Variants in TMEM132D observed in about 807,000 individuals in gnomAD.
TMEM132D encodes the protein mature OL transmembrane protein.
In TMEM132D, 21 loss-of-function variants were observed where a neutral mutation model predicts 62.3. The ratio of observed to expected loss-of-function variants is 0.34; its 90% CI spans 0.24 to 0.49. The LOEUF is 0.49. Among genes scored for constraint, TMEM132D ranks in the 20% least tolerant of loss-of-function variants. The probability of loss-of-function intolerance (pLI) is 0.99; values close to 1 mark genes in which losing one functional copy is unlikely to be tolerated. For synonymous variants in TMEM132D, 621 were observed against 575.6 expected (o/e 1.08, Z -1.13); for missense variants, 1,346 against 1,402.8 (o/e 0.96, Z 0.65).
At chr12:129,573,819 G>C (rs778197793) in intron 2 of TMEM132D, among the ~76,000 whole-genome samples, 1 of 149,768 alleles carries the variant, frequency 6.7e-6, no homozygotes, top group Non-Finnish European at 1.5e-5. Flanking sequence ...AGGATATTCC[G>C]TGTGAAAGAA....
intron 3 of TMEM132D, among the ~76,000 whole-genome samples, chr12:129,418,117 G>T (rs1385572550): frequency 6.6e-6 from 1 of 151,780 alleles, no homozygotes; most frequent in Non-Finnish European, 1.5e-5. Context: ...TAAATTAGTT[G>T]TTGAACTAAT....
At chr12:129,119,877 G>C (rs1464834083) in intron 5 of TMEM132D, among the ~76,000 whole-genome samples, 2 of 152,146 alleles carry the variant, frequency 1.3e-5, no homozygotes, top group Non-Finnish European at 2.9e-5. Flanking sequence ...AAACTGCAAA[G>C]GTATGAGGCA....
chr12:129,561,094 T>C (rs908633706), intron 2 of TMEM132D, among the ~76,000 whole-genome samples: 6 of 152,154 alleles, frequency 3.9e-5, no homozygotes, highest in African/African-American at 1.4e-4. Flanking sequence ...AAAGGTGCCA[T>C]GAGAAAGAAA....
chr12:129,648,114 C>T (rs1218251263), intron 2 of TMEM132D, among the ~76,000 whole-genome samples: 2 of 152,254 alleles, frequency 1.3e-5, no homozygotes, highest in Admixed American at 6.5e-5. Flanking sequence ...AGCCAGAGGC[C>T]ACAAGGCTCC....
At chr12:129,531,025 G>A in intron 3 of TMEM132D, 34 bp downstream of exon 3, 7 of 1,548,430 alleles carry the variant, frequency 4.5e-6, no homozygotes, top group Non-Finnish European at 6.1e-6. Flanking sequence ...ATTTGCAGCT[G>A]ATCTGAATAT....
At chr12:129,540,083 T>C (rs1876543968) in intron 2 of TMEM132D, among the ~76,000 whole-genome samples, 1 of 151,886 alleles carries the variant, frequency 6.6e-6, no homozygotes. Flanking sequence ...TTTTTTAAAT[T>C]GCCAGCACAG....
chr12:129,627,694 A>G (rs1013736022), intron 2 of TMEM132D, among the ~76,000 whole-genome samples: 11 of 152,230 alleles, frequency 7.2e-5, no homozygotes, highest in African/African-American at 2.7e-4. Flanking sequence ...AAATTTAAAA[A>G]TAATAATTTA....
intron 3 of TMEM132D, among the ~76,000 whole-genome samples, chr12:129,430,626 T>C (rs1188512267): frequency 2.0e-5 from 3 of 152,130 alleles, no homozygotes; most frequent in Non-Finnish European, 2.9e-5. Flanking sequence ...AACTAGTATG[T>C]AACATCCCTA....
intron 4 of TMEM132D, among the ~76,000 whole-genome samples, chr12:129,246,560 G>A (rs1201910078): frequency 2.0e-5 from 3 of 152,038 alleles, no homozygotes; most frequent in South Asian, 2.1e-4. Context: ...GTTTGAGACC[G>A]GCCTGGCCAA....
chr12:129,770,140 G>GT (rs375230592), intron 1 of TMEM132D, among the ~76,000 whole-genome samples: 1,551 of 104,286 alleles, frequency 0.015, 108 homozygotes, highest in East Asian at 0.091. Context: ...GGTTTTTTTG[G>GT]TTGTTTTTTT....
chr12:129,320,302 T>C (rs573482180), intron 4 of TMEM132D, among the ~76,000 whole-genome samples: 1 of 152,334 alleles, frequency 6.6e-6, no homozygotes, highest in Non-Finnish European at 1.5e-5. Context: ...CCATCATCTC[T>C]GAGGATACTA....
chr12:129,607,579 G>A (rs1430567918), intron 2 of TMEM132D, among the ~76,000 whole-genome samples: 3 of 152,144 alleles, frequency 2.0e-5, no homozygotes, highest in African/African-American at 7.2e-5. Flanking sequence ...TTACAGGCAG[G>A]AAATTCCAAG....
chr12:129,826,571 C>T (rs975726845), intron 1 of TMEM132D, among the ~76,000 whole-genome samples: 2 of 152,180 alleles, frequency 1.3e-5, no homozygotes, highest in African/African-American at 4.8e-5. Flanking sequence ...TTGAACTCAA[C>T]TTTGTACTCA....
At chr12:129,300,092 T>G (rs531671134) in intron 4 of TMEM132D, among the ~76,000 whole-genome samples, 19 of 152,200 alleles carry the variant, frequency 1.2e-4, no homozygotes, top group Admixed American at 3.9e-4. Context: ...AGGAGATTCT[T>G]GGAATGGTGG....
At chr12:129,530,230 A>G (rs904352870) in intron 3 of TMEM132D, among the ~76,000 whole-genome samples, 1 of 152,242 alleles carries the variant, frequency 6.6e-6, no homozygotes, top group African/African-American at 2.4e-5. Context: ...TAAATAATAA[A>G]AAATAAGGAT....
intron 5 of TMEM132D, among the ~76,000 whole-genome samples, chr12:129,141,856 A>T (rs1246827295): frequency 6.6e-6 from 1 of 151,888 alleles, no homozygotes; most frequent in Non-Finnish European, 1.5e-5. Context: ...TCGTACCCTA[A>T]ACCTCAGTAT....
At chr12:129,861,912 C>T (rs1873912878) in intron 1 of TMEM132D, among the ~76,000 whole-genome samples, 1 of 152,068 alleles carries the variant, frequency 6.6e-6, no homozygotes, top group Non-Finnish European at 1.5e-5. Context: ...GACCAGATGG[C>T]CCCACCCAGA....
chr12:129,573,055 CAATA>C (rs2137120843), intron 2 of TMEM132D, among the ~76,000 whole-genome samples: 1 of 152,244 alleles, frequency 6.6e-6, no homozygotes, highest in East Asian at 1.9e-4. Context: ...CAAATAAAAA[CAATA>C]AATAAATCCA....
chr12:129,218,843 C>A (rs905544814), intron 4 of TMEM132D, among the ~76,000 whole-genome samples: 1 of 152,126 alleles, frequency 6.6e-6, no homozygotes, highest in Non-Finnish European at 1.5e-5. Context: ...GGGAGTGAGG[C>A]GTAAGCAGCA....
Sources: allele counts gnomAD v4.1 joint callset (sites outside exome capture counted in the v4.1 genomes callset), GRCh38; gene constraint gnomAD v4.1.1; transcripts MANE v1.5; gene names NCBI Gene and HGNC (gene_info 2026-07-23, HGNC 2026-07-21).